Variants in SCAP observed in about 807,000 individuals in gnomAD.
The protein encoded by SCAP is SREBF chaperone.
A neutral mutation model predicts 123.6 loss-of-function variants in SCAP; 65 were observed. The ratio of observed to expected loss-of-function variants is 0.53; its 90% confidence interval spans 0.43 to 0.65. The LOEUF (loss-of-function observed/expected upper bound fraction) is 0.65. Ranked by LOEUF, SCAP falls within the 30% of genes least tolerant of loss-of-function variation. The pLI is 0.00. For missense variants in SCAP, 1,398 were observed against 1,712.5 expected (o/e 0.82, Z 3.24); for synonymous variants, 740 against 726.3 (o/e 1.02, Z -0.30).
At chr3:47,426,530 T>C (rs1026612453) in intron 6 of SCAP, among the ~76,000 whole-genome samples, 14 of 152,298 alleles carry the variant, frequency 9.2e-5, no homozygotes, top group Non-Finnish European at 1.3e-4. Context: ...CTCCGCCTCC[T>C]GGGTTCACAC....
Position 47,425,491 on chromosome 3 carries a change from T to C in SCAP, c.1031A>G (p.Asn344Ser), listed in dbSNP as rs1706084972. ...GAGCCTGCTAGGGACCTACCCGCCATTGAGGGTGGGCGTCAGGCCGAAGAG... is the reference window on the plus strand; with the variant it reads ...GAGCCTGCTAGGGACCTACCCGCCACTGAGGGTGGGCGTCAGGCCGAAGAG... The part of the protein sequence containing the change: ...CTLFGLTPTL[N>S]GGEIFPYLVV... The change falls in exon 8 of 23, where the codon AAT becomes AGT. Residue 344 changes from asparagine (N) to serine (S), a missense_variant. Physicochemically the swap from Asn to Ser is conservative, Grantham distance 46. Coordinates refer to ENST00000265565, the MANE Select transcript of SCAP (RefSeq NM_012235.4). 1 of 1,613,554 alleles carries C rather than the reference T, an allele frequency of 6.2e-7. No homozygotes were observed. Among genetic ancestry groups the C allele is most frequent in the Non-Finnish European group, 8.5e-7 (1 of 1,179,958 alleles).
intron 1 of SCAP, among the ~76,000 whole-genome samples, chr3:47,457,723 T>C (rs190066015): frequency 4.0e-5 from 6 of 150,350 alleles, no homozygotes; most frequent in East Asian, 2.0e-4. Flanking sequence ...CTGGCTAACA[T>C]AGTGAAACCC....
intron 1 of SCAP, among the ~76,000 whole-genome samples, chr3:47,463,200 T>C (rs1480242895): frequency 6.6e-6 from 1 of 152,190 alleles, no homozygotes; most frequent in African/African-American, 2.4e-5. Flanking sequence ...GGAAACATCC[T>C]ACAACAAGCC....
intron 10 of SCAP, chr3:47,421,238 C>G: frequency 1.7e-6 from 1 of 596,928 alleles, no homozygotes; most frequent in South Asian, 1.9e-5. Flanking sequence ...AACCCTCACA[C>G]TTTCTTCAGA....
At chr3:47,476,451 C>T (rs2108051373), upstream of SCAP, among the ~76,000 whole-genome samples, 1 of 152,294 alleles carries the variant, frequency 6.6e-6, no homozygotes, top group Non-Finnish European at 1.5e-5. Flanking sequence ...CTCATGTTCC[C>T]TGTTTTATAA....
At chr3:47,418,092 G>A in intron 16 of SCAP, 42 bp downstream of exon 16, 1 of 1,461,348 alleles carries the variant, frequency 6.8e-7, no homozygotes, top group Non-Finnish European at 9.3e-7. Context: ...GGGGTGAGGG[G>A]GGTTGTGGGG....
intron 1 of SCAP, among the ~76,000 whole-genome samples, chr3:47,465,441 C>A (rs1037645623): frequency 1.3e-5 from 2 of 152,166 alleles, no homozygotes; most frequent in Non-Finnish European, 2.9e-5. Context: ...CAAACGCAAT[C>A]CATATCAAAA....
chr3:47,417,969 A>AG lies in SCAP; in HGVS notation c.2448-144dup, dbSNP rs1181614799. 27 of 358,232 alleles carry AG rather than the reference A, an allele frequency of 7.5e-5. No homozygotes were observed. The East Asian group carries it at 9.5e-4, about 13-fold the overall frequency. The allele number at this position is 358,232 out of a possible 1,614,324, so 22.2% of individuals were successfully genotyped here. On this transcript the variant is annotated intron_variant, in intron 16 of 22. Coordinates refer to ENST00000265565, the MANE Select transcript of SCAP (RefSeq NM_012235.4). ...GGAGAGGGTGGTGCGGGGTGGGGAG[A>AG]GGGGGGTACGGGGTGGTGGGAGGGG...
Position 47,451,725 on chromosome 3 carries a change from C to A in SCAP, c.-98-8634G>T, listed in dbSNP as rs1445816064. 4.1e-5 allele frequency among the ~76,000 whole-genome samples: 5 copies of A among 123,210 alleles called. 2 individuals carry two copies. Among genetic ancestry groups the A allele is most frequent in the Non-Finnish European group, 9.0e-5 (5 of 55,852 alleles). 80.8% of individuals were successfully genotyped at this position (123,210 alleles called of 152,430 possible). A position where few individuals can be genotyped will look rare whatever the true frequency, so the allele number is the denominator to read the frequency against. On this transcript the variant is annotated intron_variant, in intron 1 of 22. Transcript: ENST00000265565. ...CCCTCATAGACCCCTTCCTACCTAT[C>A]CCTTTACAATTCACTTTATCTCAGA...
At chr3:47,422,700 C>T in intron 9 of SCAP, 164 bp from the exon 10 acceptor site, 1 of 561,752 alleles carries the variant, frequency 1.8e-6, no homozygotes, top group Non-Finnish European at 3.2e-6. Flanking sequence ...CTGCTAATGC[C>T]CAGACTTTAA....
At chr3:47,414,714 G>A in intron 20 of SCAP, 62 bp from the exon 21 acceptor site, 1 of 1,611,342 alleles carries the variant, frequency 6.2e-7, no homozygotes, top group Non-Finnish European at 8.5e-7. Flanking sequence ...ACTTTGGCTG[G>A]GAAATGCCCT....
In SCAP at chr3:47,419,819, G is replaced by A; in HGVS notation, c.1564-115C>T. 8.1e-7 allele frequency: 1 copy of A among 1,240,536 alleles called. No homozygotes were observed. The highest frequency in any genetic ancestry group is 1.1e-6 in the Non-Finnish European group (1 of 919,408). The allele number at this position is 1,240,536 out of a possible 1,614,324, so 76.8% of individuals were successfully genotyped here. On this transcript the variant is annotated intron_variant, in intron 12 of 22. Coordinates refer to ENST00000265565, the MANE Select transcript of SCAP (RefSeq NM_012235.4). The surrounding 1 kb of genome is among the most constrained non-coding windows in gnomAD (Gnocchi z 5.0). ...ACCTCAGGCCTGGGGATGGAGAGAGGACACAGGCCCCACTGCGTCCTTTTC... is the reference window on the plus strand; with the variant it reads ...ACCTCAGGCCTGGGGATGGAGAGAGAACACAGGCCCCACTGCGTCCTTTTC...
At chr3:47,418,612 C>T (rs1330459407) in intron 14 of SCAP, 43 bp downstream of exon 14, 3 of 1,552,158 alleles carry the variant, frequency 1.9e-6, no homozygotes, top group Non-Finnish European at 2.6e-6. Context: ...ACCCGTCCCC[C>T]TCCCCGCACT....
At chr3:47,418,626 T>TTGCCCCCCCCCC in intron 14 of SCAP, 29 bp downstream of exon 14, 2 of 1,459,564 alleles carry the variant, frequency 1.4e-6, no homozygotes, top group Middle Eastern at 1.8e-4. Flanking sequence ...CCGCACTCTT[T>TTGCCCCCCCCCC]CCCACCCCAC....
At chr3:47,432,810 G>T (rs554091792) in intron 3 of SCAP, among the ~76,000 whole-genome samples, 2 of 152,222 alleles carry the variant, frequency 1.3e-5, no homozygotes, top group African/African-American at 4.8e-5. Context: ...TGGGATTACA[G>T]GTATGCACCA....
Position 47,427,667 on chromosome 3 carries a change from G to A in SCAP, c.411C>T (p.Ser137=), listed in dbSNP as rs752808226. 9.9e-6 allele frequency: 16 copies of A among 1,613,580 alleles called. No homozygotes were observed. Among genetic ancestry groups the A allele is most frequent in the Admixed American group, 1.7e-5 (1 of 59,960 alleles). The stretch of plus-strand genomic sequence containing the variant: ...ACTCCTCCAAGCTCCTGATCCCAGA[G>A]CTGCACAGGAGACAGGACAAGGCAC... ...EEIRNHVLRD[S]SGIRSLEELC... is the part of the protein sequence containing the mutation. Residue 137 remains serine, a splice_region_variant and synonymous_variant, in exon 5 of 23, where the codon AGC becomes AGT. Coordinates refer to ENST00000265565, the MANE Select transcript of SCAP (RefSeq NM_012235.4).
chr3:47,444,509 T>C (rs1706947461), intron 1 of SCAP, among the ~76,000 whole-genome samples: 1 of 152,238 alleles, frequency 6.6e-6, no homozygotes, highest in African/African-American at 2.4e-5. Flanking sequence ...AATCTCACTC[T>C]ATCGACCAGG....
At position 47,419,743 on chromosome 3, in the gene SCAP, C is replaced by A. The variant is rs373064782; in HGVS notation, c.1564-39G>T. On this transcript the variant is annotated intron_variant, in intron 12 of 22. Transcript: ENST00000265565. The surrounding 1 kb of genome is among the most constrained non-coding windows in gnomAD (Gnocchi z 5.0). ...GGGGGTACTCAGTGGGAGGAATGGG[C>A]CCCAACCCCCAGCAGCTTCAGCCCT... The A allele has an allele frequency of 2.5e-4, 371 of 1,507,484 alleles. 1 individual carries two copies. The highest frequency in any genetic ancestry group is 3.9e-4 in the Admixed American group (17 of 43,370). 93.4% of individuals were successfully genotyped at this position (1,507,484 alleles called of 1,614,324 possible). A position where few individuals can be genotyped will look rare whatever the true frequency, so the allele number is the denominator to read the frequency against.
chr3:47,474,223 C>T (rs1473899996), intron 1 of SCAP, among the ~76,000 whole-genome samples: 1 of 151,356 alleles, frequency 6.6e-6, no homozygotes, highest in Admixed American at 6.6e-5. Context: ...CGAGATGGCG[C>T]CACTGCACTC....
Sources: allele counts gnomAD v4.1 joint callset (sites outside exome capture counted in the v4.1 genomes callset), GRCh38; gene constraint gnomAD v4.1.1; non-coding constraint Gnocchi (gnomAD v3.1); transcripts MANE v1.5; gene names NCBI Gene and HGNC (gene_info 2026-07-23, HGNC 2026-07-21).